Variants in TNR observed in about 807,000 individuals in gnomAD.
TNR encodes tenascin-R.
In TNR, 45 loss-of-function variants were observed where a neutral mutation model predicts 150.4. The ratio of observed to expected loss-of-function variants is 0.30; its 90% CI spans 0.24 to 0.38. TNR has a LOEUF of 0.38. Ranked by LOEUF, TNR falls within the 10% of genes least tolerant of loss-of-function variation. The probability of loss-of-function intolerance (pLI) is 1.00; values close to 1 mark genes in which losing one functional copy is unlikely to be tolerated. For missense variants in TNR, 1,544 were observed against 1,759.1 expected (o/e 0.88, Z 2.19); for synonymous variants, 687 against 678.4 (o/e 1.01, Z -0.20).
At chr1:175,456,658 A>T (rs1283926857) in intron 2 of TNR, among the ~76,000 whole-genome samples, 1 of 152,204 alleles carries the variant, frequency 6.6e-6, no homozygotes, top group Non-Finnish European at 1.5e-5. Flanking sequence ...AGCTCTTGAA[A>T]ACATCCTAGA....
intron 1 of TNR, among the ~76,000 whole-genome samples, chr1:175,587,669 TA>T (rs1015247825): frequency 4.0e-5 from 6 of 151,670 alleles, no homozygotes; most frequent in East Asian, 1.9e-4. Context: ...ACATGGACTT[TA>T]AAAAAAAATC....
chr1:175,354,407 G>A lies in TNR; in HGVS notation c.3366C>T (p.Ser1122=). 1 of 1,614,050 alleles carries A rather than the reference G, an allele frequency of 6.2e-7. No homozygotes were observed. Among genetic ancestry groups the A allele is most frequent in the East Asian group, 2.2e-5 (1 of 44,864 alleles). The change falls in exon 18 of 23, where the codon TCC becomes TCT. Residue 1122 remains serine (S), a synonymous_variant. Coordinates refer to ENST00000367674, the MANE Select transcript of TNR (RefSeq NM_003285.3). ...CTCCCTCACCTGTGGTGAAAGCGGT[G>A]GAGGTGATGCTGCTCCACGTGGTGT... ...AQDTTWSSIT[S]TAFTTGGRVF...
At chr1:175,549,133 C>T (rs1358349183) in intron 1 of TNR, among the ~76,000 whole-genome samples, 1 of 152,178 alleles carries the variant, frequency 6.6e-6, no homozygotes, top group East Asian at 1.9e-4. Context: ...CCCCCAGGCC[C>T]CTGATAGGAA....
intron 1 of TNR, among the ~76,000 whole-genome samples, chr1:175,611,521 A>G (rs1252330692): frequency 7.2e-5 from 11 of 152,090 alleles, no homozygotes; most frequent in Admixed American, 7.2e-4. Context: ...TTTTAAAGAG[A>G]TGGGGTCTTG....
At chr1:175,331,055 T>TTCTTTCTTTCTTTCTG (rs1649794934) in intron 20 of TNR, among the ~76,000 whole-genome samples, 3 of 117,176 alleles carry the variant, frequency 2.6e-5, no homozygotes, top group African/African-American at 1.0e-4. Flanking sequence ...CTTTCTTTCT[T>TTCTTTCTTTCTTTCTG]TCTTTCTTTC....
intron 2 of TNR, among the ~76,000 whole-genome samples, chr1:175,411,055 T>C (rs1654189588): frequency 6.6e-6 from 1 of 152,190 alleles, no homozygotes; most frequent in Non-Finnish European, 1.5e-5. Flanking sequence ...GTTCGATGAA[T>C]GCAAATATTT....
At chr1:175,556,339 A>G (rs1661159681) in intron 1 of TNR, among the ~76,000 whole-genome samples, 1 of 152,290 alleles carries the variant, frequency 6.6e-6, no homozygotes, top group South Asian at 2.1e-4. Flanking sequence ...TGAAGGACAA[A>G]GCATATTCAA....
intron 1 of TNR, among the ~76,000 whole-genome samples, chr1:175,718,698 C>T (rs545999300): frequency 2.2e-4 from 34 of 152,302 alleles, no homozygotes; most frequent in African/African-American, 4.8e-4. Context: ...AAACCAAGAA[C>T]GTCGTTAGGT....
intron 1 of TNR, among the ~76,000 whole-genome samples, chr1:175,686,617 G>A (rs911450295): frequency 6.6e-6 from 1 of 152,162 alleles, no homozygotes; most frequent in African/African-American, 2.4e-5. Flanking sequence ...GTACCCAATA[G>A]GTAGTTTTTT....
intron 21 of TNR, among the ~76,000 whole-genome samples, chr1:175,328,304 T>C (rs1201538209): frequency 6.6e-6 from 1 of 152,196 alleles, no homozygotes; most frequent in African/African-American, 2.4e-5. Flanking sequence ...ACTTAATTTG[T>C]AATTTTCAGT....
chr1:175,437,462 A>G (rs1655561898), intron 2 of TNR, among the ~76,000 whole-genome samples: 1 of 152,260 alleles, frequency 6.6e-6, no homozygotes, highest in East Asian at 1.9e-4. Flanking sequence ...ATCACAATTA[A>G]AAGAACTAGA....
At position 175,682,545 on chromosome 1, in the gene TNR, A is replaced by T. The variant is rs1666067410; in HGVS notation, c.-165+60681T>A. On this transcript the variant is annotated intron_variant, in intron 1 of 22. Transcript: ENST00000367674. Reference sequence around the variant, plus strand: ...TCCACTGGAAGTCCTGACTCCCACCATCTTCTGCCCTTGTGGGATGGAATG... The same window carrying T: ...TCCACTGGAAGTCCTGACTCCCACCTTCTTCTGCCCTTGTGGGATGGAATG... Among the ~76,000 whole-genome samples, 5 of 152,058 alleles carry T rather than the reference A, an allele frequency of 3.3e-5. No homozygotes were observed. The South Asian group carries it at 1.0e-3, about 32-fold the overall frequency.
intron 5 of TNR, among the ~76,000 whole-genome samples, chr1:175,394,135 ATTT>A (rs1324349001): frequency 6.6e-6 from 1 of 152,192 alleles, no homozygotes. Flanking sequence ...TATATAAACA[ATTT>A]TTAATGCTTT....
intron 1 of TNR, among the ~76,000 whole-genome samples, chr1:175,710,880 C>G (rs16849003): frequency 0.082 from 12,462 of 152,104 alleles, 1,377 homozygotes; most frequent in African/African-American, 0.25. Context: ...ATTAGTTCAC[C>G]CGGATGCAGA....
intron 2 of TNR, among the ~76,000 whole-genome samples, chr1:175,518,929 C>T (rs1353646204): frequency 1.3e-5 from 2 of 152,188 alleles, no homozygotes; most frequent in African/African-American, 4.8e-5. Flanking sequence ...AAGAACCTGG[C>T]CACCTTTGAT....
chr1:175,456,036 A>G (rs1318297393), intron 2 of TNR, among the ~76,000 whole-genome samples: 1 of 152,198 alleles, frequency 6.6e-6, no homozygotes, highest in Non-Finnish European at 1.5e-5. Flanking sequence ...CCTACGTGCC[A>G]GCTCTAAGGC....
chr1:175,454,910 G>A (rs945080037), intron 2 of TNR, among the ~76,000 whole-genome samples: 4 of 152,164 alleles, frequency 2.6e-5, no homozygotes, highest in Admixed American at 6.5e-5. Flanking sequence ...CCCATCATAG[G>A]TGGGGTCTAT....
intron 1 of TNR, among the ~76,000 whole-genome samples, chr1:175,663,293 G>A (rs144431486): frequency 3.3e-5 from 5 of 152,284 alleles, no homozygotes; most frequent in African/African-American, 7.2e-5. Flanking sequence ...CAGTCAGGCC[G>A]GGTCACTGCA....
At chr1:175,427,813 CTCT>C (rs1655075536) in intron 2 of TNR, among the ~76,000 whole-genome samples, 2 of 134,118 alleles carry the variant, frequency 1.5e-5, no homozygotes, top group South Asian at 2.5e-4. Context: ...CCTCCCTTCC[CTCT>C]TTTTTCCTTC....
Sources: gnomAD v4.1 joint callset for allele counts (sites outside exome capture counted in the v4.1 genomes callset) on GRCh38, gnomAD v4.1.1 for gene constraint, MANE v1.5 for transcripts, NCBI Gene and HGNC (gene_info 2026-07-23, HGNC 2026-07-21) for gene names.